PARD3B: variants seen among roughly 807,000 people sequenced by gnomAD.
PARD3B encodes par-3 family cell polarity regulator beta, also known as partitioning defective 3 homolog B.
PARD3B carries 103 observed loss-of-function variants against 130.2 expected under a neutral mutation model. That is an observed-to-expected ratio of 0.79 (90% CI 0.67 to 0.93). The LOEUF (loss-of-function observed/expected upper bound fraction) is 0.93, where lower values mean the gene tolerates loss of function less well. PARD3B is among the 40% of genes least tolerant of loss of function. The pLI is 0.00. For missense variants in PARD3B, 1,609 were observed against 1,499.2 expected (o/e 1.07, Z -1.21); for synonymous variants, 583 against 553.2 (o/e 1.05, Z -0.76).
At chr2:205,037,077 A>G (rs1377725399) in intron 3 of PARD3B, among the ~76,000 whole-genome samples, 1 of 131,462 alleles carries the variant, frequency 7.6e-6, no homozygotes, top group East Asian at 2.3e-4. Context: ...GACTGTATAT[A>G]TAAAACAAAT....
chr2:204,860,089 T>C (rs948923803), intron 2 of PARD3B, among the ~76,000 whole-genome samples: 11 of 152,200 alleles, frequency 7.2e-5, no homozygotes, highest in African/African-American at 2.7e-4. Flanking sequence ...TTTGCTTTTT[T>C]ATCTGAAGAA....
At chr2:204,793,140 T>G (rs772350043) in intron 2 of PARD3B, among the ~76,000 whole-genome samples, 15 of 152,242 alleles carry the variant, frequency 9.9e-5, no homozygotes, top group Non-Finnish European at 2.2e-4. Flanking sequence ...GATTTGTATT[T>G]GCAAAATATA....
chr2:204,738,243 T>C (rs1316715893), intron 2 of PARD3B, among the ~76,000 whole-genome samples: 4 of 152,354 alleles, frequency 2.6e-5, no homozygotes, highest in African/African-American at 7.2e-5. Flanking sequence ...CTGTGATTTC[T>C]TTTAGCAGTG....
intron 1 of PARD3B, among the ~76,000 whole-genome samples, chr2:204,557,369 C>G (rs970544038): frequency 8.5e-5 from 13 of 152,128 alleles, no homozygotes; most frequent in African/African-American, 3.1e-4. Flanking sequence ...ATCTAGAAAC[C>G]TGGATATCCT....
chr2:205,071,839 G>T (rs1214030286), intron 4 of PARD3B, among the ~76,000 whole-genome samples: 1 of 151,456 alleles, frequency 6.6e-6, no homozygotes, highest in African/African-American at 2.4e-5. Flanking sequence ...TCTAATTGTT[G>T]GTACTCTCAC....
intron 1 of PARD3B, among the ~76,000 whole-genome samples, chr2:204,685,100 T>C (rs928755771): frequency 6.6e-6 from 1 of 152,194 alleles, no homozygotes; most frequent in African/African-American, 2.4e-5. Context: ...CTATTAGCTT[T>C]TATGAAATTG....
intron 2 of PARD3B, among the ~76,000 whole-genome samples, chr2:204,792,433 T>A (rs2042231895): frequency 6.6e-6 from 1 of 152,172 alleles, no homozygotes; most frequent in African/African-American, 2.4e-5. Flanking sequence ...TTTGTATTTC[T>A]TCTCAAGTTT....
At chr2:205,481,199 AAGG>A (rs2106289122) in intron 20 of PARD3B, among the ~76,000 whole-genome samples, 1 of 152,270 alleles carries the variant, frequency 6.6e-6, no homozygotes, top group African/African-American at 2.4e-5. Flanking sequence ...TTGTTTTTAA[AAGG>A]AGGGGCAAGA....
intron 22 of PARD3B, among the ~76,000 whole-genome samples, chr2:205,578,327 A>G (rs1481145324): frequency 6.6e-6 from 1 of 152,202 alleles, no homozygotes; most frequent in Non-Finnish European, 1.5e-5. Flanking sequence ...CAAGAGGTTT[A>G]TATCCCTTGT....
chr2:204,681,419 T>C (rs1052327107), intron 1 of PARD3B, among the ~76,000 whole-genome samples: 5 of 152,212 alleles, frequency 3.3e-5, no homozygotes, highest in African/African-American at 1.2e-4. Flanking sequence ...CTGAATTCTT[T>C]GGAAACATAC....
chr2:204,831,428 TAAAG>T (rs986031801), intron 2 of PARD3B, among the ~76,000 whole-genome samples: 3 of 152,212 alleles, frequency 2.0e-5, no homozygotes, highest in Non-Finnish European at 4.4e-5. Context: ...GAAGCCACCA[TAAAG>T]AAAGACATTT....
chr2:204,990,508 C>CGGGT (rs1179148338), intron 3 of PARD3B, among the ~76,000 whole-genome samples: 5 of 152,094 alleles, frequency 3.3e-5, no homozygotes, highest in African/African-American at 4.8e-5. Context: ...TGTTGATACC[C>CGGGT]ATTAACAAAC....
chr2:204,871,320 A>T (rs1575177354), intron 2 of PARD3B, among the ~76,000 whole-genome samples: 2 of 152,152 alleles, frequency 1.3e-5, no homozygotes, highest in Admixed American at 1.3e-4. Flanking sequence ...TAAACAACTC[A>T]ACAGACTCTA....
chr2:205,458,683 C>A lies in PARD3B; in HGVS notation c.3044+18011C>A, dbSNP rs150733773. ...TAATGTCACTATCTGAATAATGTCA[C>A]TATCTGAACTGTGGGTCTGTTCATA... On this transcript the variant is annotated intron_variant, in intron 20 of 22. Coordinates refer to ENST00000406610, the MANE Select transcript of PARD3B (RefSeq NM_001302769.2). This position sits in a 1 kb window ranked among gnomAD's most constrained non-coding sequence, Gnocchi z 4.8. Among the ~76,000 whole-genome samples, 2 of 152,162 alleles carry A rather than the reference C, an allele frequency of 1.3e-5. No homozygotes were observed. The highest frequency in any genetic ancestry group is 4.8e-5 in the African/African-American group (2 of 41,436).
chr2:204,721,577 C>G (rs913563743), intron 2 of PARD3B, among the ~76,000 whole-genome samples: 1 of 151,984 alleles, frequency 6.6e-6, no homozygotes, highest in African/African-American at 2.4e-5. Flanking sequence ...CATTTTTGAC[C>G]TGAATGTTAT....
chr2:204,766,385 T>G (rs2041149084), intron 2 of PARD3B, among the ~76,000 whole-genome samples: 1 of 152,160 alleles, frequency 6.6e-6, no homozygotes, highest in Non-Finnish European at 1.5e-5. Flanking sequence ...GGGTACATAA[T>G]ATAAAAAGTA....
At chr2:204,582,363 G>T (rs2125082642) in intron 1 of PARD3B, among the ~76,000 whole-genome samples, 1 of 152,340 alleles carries the variant, frequency 6.6e-6, no homozygotes, top group Middle Eastern at 3.4e-3. Flanking sequence ...CATGTAGAAT[G>T]AGAGAATTTG....
chr2:205,428,896 T>C (rs1425125006), intron 19 of PARD3B, among the ~76,000 whole-genome samples: 2 of 152,050 alleles, frequency 1.3e-5, no homozygotes, highest in East Asian at 1.9e-4. Flanking sequence ...CAGATTGTGG[T>C]CTCTAGATAT....
intron 1 of PARD3B, among the ~76,000 whole-genome samples, chr2:204,658,852 C>G (rs1165726392): frequency 6.6e-6 from 1 of 152,190 alleles, no homozygotes; most frequent in East Asian, 1.9e-4. Flanking sequence ...TATTTTTACT[C>G]TTTCATAATA....
Sources: gnomAD v4.1 joint callset for allele counts (sites outside exome capture counted in the v4.1 genomes callset) on GRCh38, gnomAD v4.1.1 for gene constraint, Gnocchi (gnomAD v3.1) non-coding constraint, MANE v1.5 for transcripts, NCBI Gene and HGNC (gene_info 2026-07-23, HGNC 2026-07-21) for gene names.